The following SLC26A11 variants were observed in gnomAD, a reference collection of about 807,000 sequenced individuals.
The protein encoded by SLC26A11 is solute carrier family 26 member 11.
In SLC26A11, 58 loss-of-function variants were observed where a neutral mutation model predicts 62.2. That is an observed-to-expected ratio of 0.93 (90% confidence interval 0.76 to 1.16). The LOEUF (loss-of-function observed/expected upper bound fraction) is 1.16. Among genes scored for constraint, SLC26A11 ranks in the 50% most tolerant of loss-of-function variants. The pLI is 0.00. For missense variants in SLC26A11, 790 were observed against 794.3 expected (o/e 0.99, Z 0.06); for synonymous variants, 411 against 368.9 (o/e 1.11, Z -1.31).
intron 5 of SLC26A11, among the ~76,000 whole-genome samples, chr17:80,224,276 A>AGT (rs549177714): frequency 0.33 from 47,781 of 146,390 alleles, 7,931 homozygotes; most frequent in Admixed American, 0.47. Context: ...TGTGTGAGTG[A>AGT]GTGCGTGTGT....
chr17:80,251,829 T>C (rs533885022), intron 17 of SLC26A11, among the ~76,000 whole-genome samples: 2 of 151,548 alleles, frequency 1.3e-5, no homozygotes, highest in East Asian at 1.9e-4. Flanking sequence ...GATCACTCCA[T>C]ACCCCTCCCC....
intron 7 of SLC26A11, among the ~76,000 whole-genome samples, chr17:80,234,872 T>C (rs112094058): frequency 0.033 from 4,923 of 150,938 alleles, 241 homozygotes; most frequent in African/African-American, 0.11. Context: ...TTTTTTAAGA[T>C]GGAGTTTCGC....
At chr17:80,227,036 CAG>C (rs1212678412) in intron 6 of SLC26A11, among the ~76,000 whole-genome samples, 2 of 152,178 alleles carry the variant, frequency 1.3e-5, no homozygotes, top group Non-Finnish European at 2.9e-5. Flanking sequence ...CCTGACCAGT[CAG>C]AGAGCGTCAC....
chr17:80,221,337 A>G (rs2042178551), intron 2 of SLC26A11: 3 of 504,000 alleles, frequency 6.0e-6, no homozygotes, highest in African/African-American at 4.0e-5. Context: ...GGATTCAGGG[A>G]GAGAGGGTGA....
At chr17:80,245,398 C>T (rs2042968628) in intron 11 of SLC26A11, 142 bp downstream of exon 11, 1 of 728,888 alleles carries the variant, frequency 1.4e-6, no homozygotes, top group East Asian at 2.7e-5. Flanking sequence ...TGGGGGTCAC[C>T]CACTGTCCTC....
intron 5 of SLC26A11, 142 bp from the exon 6 acceptor site, chr17:80,225,695 C>T: frequency 1.3e-6 from 1 of 741,840 alleles, no homozygotes; most frequent in Non-Finnish European, 2.3e-6. Flanking sequence ...CCCTGAGCCC[C>T]TAAGATGGGC....
chr17:80,250,943 C>G lies in SLC26A11; in HGVS notation c.1657-386C>G, dbSNP rs368839430. 3.7e-4 allele frequency among the ~76,000 whole-genome samples: 56 copies of G among 152,074 alleles called. No individual in the cohort carries two copies. The East Asian group carries it at 7.9e-3, about 22-fold the overall frequency. On this transcript the variant is annotated intron_variant, in intron 16 of 17. Transcript: ENST00000361193. The stretch of plus-strand genomic sequence containing the variant: ...ATCATTTGAGGCCAGGAGTTTGAGA[C>G]CAGCCTGGGCAACATGACGAAACCC...
chr17:80,221,360 T>G, intron 2 of SLC26A11, 188 bp from the exon 3 acceptor site: 3 of 519,974 alleles, frequency 5.8e-6, no homozygotes, highest in South Asian at 2.9e-5. Context: ...AGGGACGGGG[T>G]GGGCCTTCCA....
chr17:80,235,417 C>T (rs1187210881), intron 7 of SLC26A11, among the ~76,000 whole-genome samples: 1 of 152,040 alleles, frequency 6.6e-6, no homozygotes, highest in African/African-American at 2.4e-5. Context: ...AGTACAGTGG[C>T]ATGATCATGG....
chr17:80,224,230 T>A (rs947044608), intron 5 of SLC26A11, among the ~76,000 whole-genome samples: 14 of 150,552 alleles, frequency 9.3e-5, no homozygotes, highest in African/African-American at 3.4e-4. Context: ...TGTGTGAGAG[T>A]GTGAGTGGGT....
intron 6 of SLC26A11, among the ~76,000 whole-genome samples, chr17:80,227,192 C>CA (rs1291617852): frequency 6.6e-6 from 1 of 152,172 alleles, no homozygotes; most frequent in South Asian, 2.1e-4. Flanking sequence ...TGATGAGCTA[C>CA]AAAAAAATCA....
intron 5 of SLC26A11, among the ~76,000 whole-genome samples, chr17:80,224,923 C>A (rs1000383394): frequency 2.6e-5 from 4 of 152,068 alleles, no homozygotes; most frequent in Non-Finnish European, 2.9e-5. Context: ...GTCCGCCCCC[C>A]AGGATGTCCT....
intron 16 of SLC26A11, 123 bp downstream of exon 16, chr17:80,249,410 G>A: frequency 7.6e-7 from 1 of 1,312,700 alleles, no homozygotes; most frequent in Non-Finnish European, 1.0e-6. Context: ...GCCGGTGCTG[G>A]CTCTGCTTCT....
At chr17:80,224,351 G>A (rs368980122) in intron 5 of SLC26A11, among the ~76,000 whole-genome samples, 1 of 139,476 alleles carries the variant, frequency 7.2e-6, no homozygotes, top group Admixed American at 7.8e-5. Context: ...GAGAGTGGGT[G>A]TGGGTGTGAG....
rs2042281545 is a variant in SLC26A11 at position 80,223,476 on chromosome 17, A to G, written c.513+139A>G. 1.3e-6 allele frequency: 1 copy of G among 780,084 alleles called. No individual in the cohort carries two copies. Among genetic ancestry groups the G allele is most frequent in the Non-Finnish European group, 2.1e-6 (1 of 465,968 alleles). The allele number at this position is 780,084 out of a possible 1,614,324, so 48.3% of individuals were successfully genotyped here. On this transcript the variant is annotated intron_variant, in intron 5 of 17. Transcript: ENST00000361193. The surrounding 1 kb of genome is among the most constrained non-coding windows in gnomAD (Gnocchi z 4.6). The stretch of plus-strand genomic sequence containing the variant: ...TGTTTCAGATTGTCTTCCATGGGTC[A>G]AGAAGCACGCGGTGCTCTCATGGGT...
intron 14 of SLC26A11, 152 bp downstream of exon 14, chr17:80,248,409 A>G (rs2043065974): frequency 1.5e-6 from 2 of 1,320,456 alleles, no homozygotes; most frequent in Admixed American, 2.3e-5. Context: ...GCTATAAACC[A>G]TGGTGTTCTC....
intron 15 of SLC26A11, 87 bp from the exon 16 acceptor site, chr17:80,249,067 G>T: frequency 6.7e-7 from 1 of 1,488,254 alleles, no homozygotes; most frequent in Non-Finnish European, 8.9e-7. Flanking sequence ...TCTGTCCCCT[G>T]CCCCTGGCCA....
chr17:80,223,340 A>G lies in SLC26A11; in HGVS notation c.513+3A>G, dbSNP rs1567942444. 1 of 1,613,784 alleles carries G rather than the reference A, an allele frequency of 6.2e-7. No homozygotes were observed. The highest frequency in any genetic ancestry group is 1.1e-5 in the South Asian group (1 of 91,052). On this transcript the variant is annotated splice_donor_region_variant and intron_variant, in intron 5 of 17. Coordinates refer to ENST00000361193, the MANE Select transcript of SLC26A11 (RefSeq NM_001166347.2). This position sits in a 1 kb window ranked among gnomAD's most constrained non-coding sequence, Gnocchi z 4.6. Reference sequence around the variant, plus strand: ...CCATCGGCTTTGGACAGATCAAGGTAGGCACGGCGCCCACCCAGGGCACTG... The same window carrying G: ...CCATCGGCTTTGGACAGATCAAGGTGGGCACGGCGCCCACCCAGGGCACTG...
chr17:80,242,474 C>G (rs1773775090), intron 10 of SLC26A11, among the ~76,000 whole-genome samples: 1 of 152,150 alleles, frequency 6.6e-6, no homozygotes, highest in South Asian at 2.1e-4. Flanking sequence ...GCACCTAGTG[C>G]CGGGGGTCAA....
Sources: gnomAD v4.1 joint callset for allele counts (sites outside exome capture counted in the v4.1 genomes callset) on GRCh38, gnomAD v4.1.1 for gene constraint, Gnocchi (gnomAD v3.1) non-coding constraint, MANE v1.5 for transcripts, NCBI Gene and HGNC (gene_info 2026-07-23, HGNC 2026-07-21) for gene names.